Variants in CCSER1 observed in about 807,000 individuals in gnomAD.
CCSER1 encodes coiled-coil serine rich protein 1.
A neutral mutation model predicts 82.0 loss-of-function variants in CCSER1; 41 were observed. The observed-to-expected ratio is 0.50, with a 90% confidence interval of 0.39 to 0.65. The LOEUF is 0.65. Ranked by LOEUF, CCSER1 falls within the 30% of genes least tolerant of loss-of-function variation. The pLI is 0.00. For synonymous variants in CCSER1, 414 were observed against 383.9 expected (o/e 1.08, Z -0.92); for missense variants, 1,119 against 1,064.2 (o/e 1.05, Z -0.72).
intron 10 of CCSER1, among the ~76,000 whole-genome samples, chr4:91,450,296 G>GA (rs1212533716): frequency 2.2e-4 from 33 of 151,454 alleles, no homozygotes; most frequent in African/African-American, 4.4e-4. Context: ...TCATTCATGG[G>GA]AAAAAAAACC....
At chr4:90,957,098 C>CTTTTTTTTTT (rs1215668480) in intron 9 of CCSER1, among the ~76,000 whole-genome samples, 1 of 86,680 alleles carries the variant, frequency 1.2e-5, no homozygotes, top group East Asian at 3.8e-4. Flanking sequence ...TCTTTCTTTC[C>CTTTTTTTTTT]TTTTTTTTTT....
intron 10 of CCSER1, among the ~76,000 whole-genome samples, chr4:91,560,659 A>G (rs1762614132): frequency 1.3e-5 from 2 of 151,416 alleles, no homozygotes. Flanking sequence ...ATCAGTATAT[A>G]TTTACCGAAT....
chr4:91,582,799 C>T (rs1036271394), intron 10 of CCSER1, among the ~76,000 whole-genome samples: 7 of 151,428 alleles, frequency 4.6e-5, no homozygotes, highest in African/African-American at 1.7e-4. Flanking sequence ...TTACAGTATA[C>T]TGCTTGTCTT....
chr4:91,324,407 G>A (rs1746406440), intron 10 of CCSER1, among the ~76,000 whole-genome samples: 1 of 152,096 alleles, frequency 6.6e-6, no homozygotes, highest in Non-Finnish European at 1.5e-5. Flanking sequence ...CAACGTCAAC[G>A]TGCAATACAT....
chr4:90,309,757 G>A, intron 2 of CCSER1, 149 bp downstream of exon 2: 1 of 624,844 alleles, frequency 1.6e-6, no homozygotes, highest in Non-Finnish European at 2.7e-6. Context: ...TGTGTTAAAT[G>A]TTTCCCCTGC....
chr4:90,700,855 T>C (rs886412518), intron 6 of CCSER1, among the ~76,000 whole-genome samples: 1 of 152,216 alleles, frequency 6.6e-6, no homozygotes, highest in African/African-American at 2.4e-5. Context: ...TTTAATTTGT[T>C]TGAGTTCTTT....
intron 5 of CCSER1, among the ~76,000 whole-genome samples, chr4:90,493,406 A>G (rs1031074801): frequency 6.6e-6 from 1 of 152,166 alleles, no homozygotes; most frequent in African/African-American, 2.4e-5. Context: ...TTCAGGAAAT[A>G]CAGAGATGCC....
At chr4:90,632,176 G>T (rs951376551) in intron 6 of CCSER1, among the ~76,000 whole-genome samples, 1 of 151,788 alleles carries the variant, frequency 6.6e-6, no homozygotes, top group Non-Finnish European at 1.5e-5. Flanking sequence ...AAATTTTTTT[G>T]TGAGGTATCA....
chr4:90,746,992 G>A (rs1747589713), intron 7 of CCSER1, among the ~76,000 whole-genome samples: 1 of 152,054 alleles, frequency 6.6e-6, no homozygotes, highest in Non-Finnish European at 1.5e-5. Flanking sequence ...TTTATTTTAA[G>A]CATTATTCTG....
intron 6 of CCSER1, among the ~76,000 whole-genome samples, chr4:90,707,802 A>G (rs1459241956): frequency 6.6e-6 from 1 of 152,108 alleles, no homozygotes; most frequent in Non-Finnish European, 1.5e-5. Flanking sequence ...TGAACATGCT[A>G]GAAGCCACCT....
intron 10 of CCSER1, among the ~76,000 whole-genome samples, chr4:91,505,968 G>A (rs887644252): frequency 6.6e-6 from 1 of 152,056 alleles, no homozygotes. Context: ...TTTTGCTTTT[G>A]TTGCAATTGC....
chr4:91,279,372 A>C (rs1581894771), intron 10 of CCSER1, among the ~76,000 whole-genome samples: 1 of 152,240 alleles, frequency 6.6e-6, no homozygotes, highest in East Asian at 1.9e-4. Flanking sequence ...AGAGACCCCC[A>C]AAATTAGAAT....
rs1763669929 is a variant in CCSER1, at chr4:91,580,347, A to C, written c.2218-18225A>C. ...ATCAGCCTAGTATTTCCTGTGTGCCAGGTATTGTGCTAAGCACATTCCATA... is the reference window on the plus strand; with the variant it reads ...ATCAGCCTAGTATTTCCTGTGTGCCCGGTATTGTGCTAAGCACATTCCATA... On this transcript the variant is annotated intron_variant, in intron 10 of 10. Coordinates refer to ENST00000509176, the MANE Select transcript of CCSER1 (RefSeq NM_001145065.2). Among the ~76,000 whole-genome samples, 3 of 151,988 alleles carry C rather than the reference A, an allele frequency of 2.0e-5. No homozygotes were observed. In the South Asian group the frequency reaches 6.2e-4, roughly 31 times the overall value.
chr4:90,629,010 C>A (rs1025178777), intron 6 of CCSER1, among the ~76,000 whole-genome samples: 1 of 151,862 alleles, frequency 6.6e-6, no homozygotes, highest in Non-Finnish European at 1.5e-5. Flanking sequence ...AAATTTGTGT[C>A]TTTGTATTAC....
At chr4:91,547,833 G>GT (rs763315179) in intron 10 of CCSER1, among the ~76,000 whole-genome samples, 24 of 151,936 alleles carry the variant, frequency 1.6e-4, no homozygotes, top group Non-Finnish European at 2.6e-4. Context: ...CCAGGCTGGA[G>GT]TGCAGTGGTG....
intron 6 of CCSER1, among the ~76,000 whole-genome samples, chr4:90,658,936 A>T (rs1346215216): frequency 6.6e-6 from 1 of 152,120 alleles, no homozygotes; most frequent in Non-Finnish European, 1.5e-5. Context: ...TATTAAAGAG[A>T]TCTCAGTGTA....
At chr4:90,426,884 C>G (rs1037954358) in intron 4 of CCSER1, among the ~76,000 whole-genome samples, 52 of 152,108 alleles carry the variant, frequency 3.4e-4, no homozygotes, top group South Asian at 8.3e-4. Context: ...GAATAGGCTT[C>G]AAGTTGTTCT....
At chr4:91,242,717 T>C (rs1165820318) in intron 10 of CCSER1, among the ~76,000 whole-genome samples, 1 of 152,172 alleles carries the variant, frequency 6.6e-6, no homozygotes, top group Non-Finnish European at 1.5e-5. Context: ...AGCCATGGAC[T>C]GGGATAAAAT....
At chr4:91,491,600 A>G (rs1758546059) in intron 10 of CCSER1, among the ~76,000 whole-genome samples, 1 of 152,088 alleles carries the variant, frequency 6.6e-6, no homozygotes. Context: ...TACCAAAACC[A>G]TATGTGAGCA....
Sources: gnomAD v4.1 joint callset for allele counts (sites outside exome capture counted in the v4.1 genomes callset) on GRCh38, gnomAD v4.1.1 for gene constraint, MANE v1.5 for transcripts, NCBI Gene and HGNC (gene_info 2026-07-23, HGNC 2026-07-21) for gene names.